PKNOX2: variants seen among roughly 807,000 people sequenced by gnomAD.
The protein encoded by PKNOX2 is PBX/knotted 1 homeobox 2.
Under a neutral mutation model 53.1 loss-of-function variants are expected in PKNOX2, and 14 were observed. The observed-to-expected ratio is 0.26, with a 90% confidence interval of 0.17 to 0.41. The LOEUF (loss-of-function observed/expected upper bound fraction) is 0.41. Among genes scored for constraint, PKNOX2 ranks in the 10% least tolerant of loss-of-function variants. The pLI is 1.00. For synonymous variants in PKNOX2, 257 were observed against 242.8 expected (o/e 1.06, Z -0.54); for missense variants, 496 against 602.8 (o/e 0.82, Z 1.85).
chr11:125,253,005 G>C (rs186216804), intron 2 of PKNOX2, among the ~76,000 whole-genome samples: 7 of 152,290 alleles, frequency 4.6e-5, no homozygotes, highest in Non-Finnish European at 8.8e-5. Context: ...AGGGTCAAAG[G>C]CTACCTCTTC....
At chr11:125,312,527 C>T (rs1948874579) in intron 2 of PKNOX2, among the ~76,000 whole-genome samples, 1 of 152,194 alleles carries the variant, frequency 6.6e-6, no homozygotes, top group African/African-American at 2.4e-5. Context: ...AGGAATATTC[C>T]ATAAGGTGGT....
chr11:125,410,505 G>T (rs913955193), intron 8 of PKNOX2, 180 bp downstream of exon 8: 4 of 912,362 alleles, frequency 4.4e-6, no homozygotes, highest in African/African-American at 3.4e-5. Flanking sequence ...AATTGTGATG[G>T]TTTAGAACAA....
chr11:125,283,067 G>A (rs923594638), intron 2 of PKNOX2, among the ~76,000 whole-genome samples: 9 of 152,214 alleles, frequency 5.9e-5, no homozygotes, highest in Admixed American at 2.0e-4. Flanking sequence ...CAGGAGAATC[G>A]CTTGAGCTTG....
chr11:125,291,529 A>G (rs1724336586), intron 2 of PKNOX2, among the ~76,000 whole-genome samples: 2 of 152,166 alleles, frequency 1.3e-5, no homozygotes, highest in Admixed American at 1.3e-4. Context: ...GAAACATAGA[A>G]TTACCATTTG....
chr11:125,296,595 G>A (rs570608647), intron 2 of PKNOX2, among the ~76,000 whole-genome samples: 4 of 152,152 alleles, frequency 2.6e-5, no homozygotes, highest in East Asian at 1.9e-4. Context: ...TTCTCCATGC[G>A]TCTCATCTCC....
chr11:125,327,514 T>TTC (rs1234214976), intron 2 of PKNOX2, among the ~76,000 whole-genome samples: 9 of 152,214 alleles, frequency 5.9e-5, no homozygotes, highest in Non-Finnish European at 4.4e-5. Flanking sequence ...GTGCTGCTTA[T>TTC]TAGCTTTCAG....
intron 2 of PKNOX2, among the ~76,000 whole-genome samples, chr11:125,248,957 TATAC>T (rs1457968166): frequency 7.1e-6 from 1 of 141,290 alleles, no homozygotes; most frequent in Non-Finnish European, 1.5e-5. Flanking sequence ...TACATGTATA[TATAC>T]ATACATATAT....
chr11:125,344,643 G>A (rs1565502024), intron 3 of PKNOX2, among the ~76,000 whole-genome samples: 1 of 152,180 alleles, frequency 6.6e-6, no homozygotes, highest in South Asian at 2.1e-4. Flanking sequence ...TCCCAGAAGG[G>A]CAGCAAATGA....
intron 5 of PKNOX2, among the ~76,000 whole-genome samples, chr11:125,378,367 G>C (rs1044906135): frequency 5.9e-5 from 9 of 152,188 alleles, no homozygotes; most frequent in African/African-American, 2.2e-4. Flanking sequence ...GCTGGCCCAT[G>C]CCTGAAGATG....
chr11:125,222,513 T>A (rs1258551314), intron 1 of PKNOX2, among the ~76,000 whole-genome samples: 1 of 152,192 alleles, frequency 6.6e-6, no homozygotes, highest in Non-Finnish European at 1.5e-5. Context: ...TGGCCTCTGC[T>A]CTTTCCAGAT....
At chr11:125,417,933 G>A (rs1955977976) in intron 10 of PKNOX2, among the ~76,000 whole-genome samples, 1 of 151,970 alleles carries the variant, frequency 6.6e-6, no homozygotes, top group African/African-American at 2.4e-5. Context: ...GAACTCTGCT[G>A]TGGTCACAAA....
chr11:125,238,689 A>G (rs1447917170), intron 2 of PKNOX2, among the ~76,000 whole-genome samples: 1 of 152,226 alleles, frequency 6.6e-6, no homozygotes, highest in East Asian at 1.9e-4. Context: ...GGCCTACTTC[A>G]TGGAGTTGAG....
intron 2 of PKNOX2, among the ~76,000 whole-genome samples, chr11:125,285,989 AT>A (rs1946871489): frequency 6.6e-6 from 1 of 152,142 alleles, no homozygotes; most frequent in South Asian, 2.1e-4. Flanking sequence ...TGGGAATATT[AT>A]TCCAGAAAGC....
At chr11:125,371,491 G>A (rs1446513844) in intron 5 of PKNOX2, among the ~76,000 whole-genome samples, 3 of 152,150 alleles carry the variant, frequency 2.0e-5, no homozygotes, top group East Asian at 1.9e-4. Context: ...TGCCAGCGGC[G>A]CAGAGGCAGG....
intron 1 of PKNOX2, chr11:125,189,906 A>G (rs905516210): frequency 4.0e-5 from 6 of 150,310 alleles, no homozygotes; most frequent in African/African-American, 7.3e-5. Flanking sequence ...TCCTAGTATA[A>G]CTGTTAATAG....
intron 2 of PKNOX2, among the ~76,000 whole-genome samples, chr11:125,329,213 T>C (rs1239491009): frequency 6.6e-6 from 1 of 152,258 alleles, no homozygotes; most frequent in Non-Finnish European, 1.5e-5. Flanking sequence ...TGATATGTTG[T>C]TAAATACAAA....
At chr11:125,285,901 G>A (rs1040886874) in intron 2 of PKNOX2, among the ~76,000 whole-genome samples, 25 of 152,174 alleles carry the variant, frequency 1.6e-4, no homozygotes, top group African/African-American at 6.0e-4. Flanking sequence ...GGAAATCCTG[G>A]GTGATGGTGT....
intron 3 of PKNOX2, among the ~76,000 whole-genome samples, chr11:125,337,227 G>A (rs538349139): frequency 2.0e-5 from 3 of 152,264 alleles, no homozygotes; most frequent in Admixed American, 1.3e-4. Context: ...TGGAAGGGTC[G>A]TTACAACGTG....
At chr11:125,305,716 G>A (rs769600612) in intron 2 of PKNOX2, among the ~76,000 whole-genome samples, 5 of 152,194 alleles carry the variant, frequency 3.3e-5, no homozygotes, top group Admixed American at 3.3e-4. Flanking sequence ...CATCGGGAAC[G>A]ACTGCAAAGG....
Sources: gnomAD v4.1 joint callset for allele counts (sites outside exome capture counted in the v4.1 genomes callset) on GRCh38, gnomAD v4.1.1 for gene constraint, MANE v1.5 for transcripts, NCBI Gene and HGNC (gene_info 2026-07-23, HGNC 2026-07-21) for gene names.